ZBTB7C: variants seen among roughly 807,000 people sequenced by gnomAD.
ZBTB7C encodes zinc finger and BTB domain containing 7C, also known as zinc finger and BTB domain-containing protein 7C.
Under a neutral mutation model 25.7 loss-of-function variants are expected in ZBTB7C, and 8 were observed. That is an observed-to-expected ratio of 0.31 (90% confidence interval 0.18 to 0.56). The LOEUF (loss-of-function observed/expected upper bound fraction) is 0.56. ZBTB7C is among the 20% of genes least tolerant of loss of function. ZBTB7C has a pLI of 0.91. For synonymous variants in ZBTB7C, 394 were observed against 369.0 expected (o/e 1.07, Z -0.78); for missense variants, 824 against 855.2 (o/e 0.96, Z 0.46).
chr18:48,053,414 C>A (rs1240096619), intron 3 of ZBTB7C, among the ~76,000 whole-genome samples: 1 of 152,236 alleles, frequency 6.6e-6, no homozygotes, highest in Non-Finnish European at 1.5e-5. Flanking sequence ...TTCTGAGATT[C>A]CTTCACCTTT....
chr18:48,275,263 A>C (rs2044610835), intron 2 of ZBTB7C, among the ~76,000 whole-genome samples: 2 of 152,134 alleles, frequency 1.3e-5, no homozygotes, highest in South Asian at 4.1e-4. Context: ...TCCTCTACTT[A>C]TGGTTTACTA....
intron 3 of ZBTB7C, among the ~76,000 whole-genome samples, chr18:48,170,799 C>T (rs2041448233): frequency 6.6e-6 from 1 of 152,162 alleles, no homozygotes; most frequent in South Asian, 2.1e-4. Context: ...CACTCCTCTG[C>T]ACCTGTCCCC....
intron 2 of ZBTB7C, among the ~76,000 whole-genome samples, chr18:48,276,379 C>T (rs2144605588): frequency 6.7e-6 from 1 of 150,128 alleles, no homozygotes; most frequent in South Asian, 2.1e-4. Flanking sequence ...ATACATATGC[C>T]ATGCTGGTGC....
At chr18:48,173,760 C>T (rs1011058703) in intron 3 of ZBTB7C, among the ~76,000 whole-genome samples, 13 of 152,218 alleles carry the variant, frequency 8.5e-5, no homozygotes, top group Non-Finnish European at 1.8e-4. Context: ...AGACTCAATG[C>T]CCAACCCAAA....
At chr18:48,166,897 C>A (rs114462952) in intron 3 of ZBTB7C, among the ~76,000 whole-genome samples, 2,232 of 152,110 alleles carry the variant, frequency 0.015, 58 homozygotes, top group African/African-American at 0.051. Flanking sequence ...TCCTTACTGG[C>A]GGGGGGGAAG....
intron 2 of ZBTB7C, among the ~76,000 whole-genome samples, chr18:48,237,455 CA>C (rs2043410389): frequency 1.3e-5 from 2 of 151,928 alleles, no homozygotes; most frequent in Non-Finnish European, 2.9e-5. Flanking sequence ...TACAAAAATC[CA>C]AAAGGCCAAT....
intron 1 of ZBTB7C, among the ~76,000 whole-genome samples, chr18:48,376,386 C>A (rs1176697429): frequency 6.6e-6 from 1 of 151,912 alleles, no homozygotes; most frequent in Non-Finnish European, 1.5e-5. Flanking sequence ...CTCTAAGAAG[C>A]AGATCGTTTG....
intron 2 of ZBTB7C, among the ~76,000 whole-genome samples, chr18:48,294,980 A>G (rs1225009603): frequency 6.6e-6 from 1 of 152,070 alleles, no homozygotes; most frequent in Non-Finnish European, 1.5e-5. Context: ...ACTGGAGAGA[A>G]TATTTCCCTG....
chr18:48,128,808 T>C (rs2144760492), intron 3 of ZBTB7C, among the ~76,000 whole-genome samples: 1 of 152,312 alleles, frequency 6.6e-6, no homozygotes, highest in East Asian at 1.9e-4. Context: ...TTCACCACTA[T>C]ATAATTCAGC....
At chr18:48,293,050 A>C (rs530938528) in intron 2 of ZBTB7C, among the ~76,000 whole-genome samples, 3 of 152,202 alleles carry the variant, frequency 2.0e-5, no homozygotes, top group Non-Finnish European at 2.9e-5. Context: ...GCATTGGCAC[A>C]ATGTCCGGCC....
intron 2 of ZBTB7C, among the ~76,000 whole-genome samples, chr18:48,274,794 G>A (rs1452631542): frequency 6.6e-6 from 1 of 152,236 alleles, no homozygotes; most frequent in African/African-American, 2.4e-5. Flanking sequence ...TTGGCAAGAA[G>A]GCAAAGGGCA....
intron 3 of ZBTB7C, among the ~76,000 whole-genome samples, chr18:48,156,374 G>A (rs1267068266): frequency 6.6e-6 from 1 of 152,176 alleles, no homozygotes; most frequent in Non-Finnish European, 1.5e-5. Flanking sequence ...AACCCACAAT[G>A]CGCCCCTTTT....
intron 3 of ZBTB7C, among the ~76,000 whole-genome samples, chr18:48,151,451 C>T (rs1212634417): frequency 6.6e-6 from 1 of 152,036 alleles, no homozygotes. Context: ...TTGCATTTTC[C>T]ACTTAGGCTG....
intron 4 of ZBTB7C, among the ~76,000 whole-genome samples, chr18:48,039,109 T>C (rs1486151984): frequency 6.6e-6 from 1 of 152,254 alleles, no homozygotes; most frequent in Non-Finnish European, 1.5e-5. Flanking sequence ...ACAGAGTCTA[T>C]GAAAGATGAA....
intron 3 of ZBTB7C, among the ~76,000 whole-genome samples, chr18:48,099,857 G>A (rs1420193712): frequency 6.6e-6 from 1 of 152,174 alleles, no homozygotes; most frequent in Non-Finnish European, 1.5e-5. Flanking sequence ...TCTCACTTAA[G>A]ACAAACCTAA....
intron 3 of ZBTB7C, among the ~76,000 whole-genome samples, chr18:48,107,961 C>T (rs569120199): frequency 3.9e-5 from 6 of 152,328 alleles, no homozygotes; most frequent in Admixed American, 3.9e-4. Context: ...ATTTTATGCC[C>T]AGCCAAATGA....
intron 3 of ZBTB7C, among the ~76,000 whole-genome samples, chr18:48,114,566 A>C (rs1224278070): frequency 6.6e-6 from 1 of 152,024 alleles, no homozygotes; most frequent in Non-Finnish European, 1.5e-5. Flanking sequence ...GCATCACTGC[A>C]CTCCAGCCTG....
At chr18:48,193,559 G>A (rs536328764) in intron 2 of ZBTB7C, among the ~76,000 whole-genome samples, 21 of 152,352 alleles carry the variant, frequency 1.4e-4, no homozygotes, top group African/African-American at 4.6e-4. Context: ...TCAGGTGGAA[G>A]GAACACGCCA....
At chr18:48,328,373 GT>G (rs1275996869) in intron 2 of ZBTB7C, among the ~76,000 whole-genome samples, 3 of 152,128 alleles carry the variant, frequency 2.0e-5, no homozygotes, top group Non-Finnish European at 4.4e-5. Flanking sequence ...GTGATGATCT[GT>G]GGTGATGAGG....
Sources: gnomAD v4.1 joint callset for allele counts (sites outside exome capture counted in the v4.1 genomes callset) on GRCh38, gnomAD v4.1.1 for gene constraint, MANE v1.5 for transcripts, NCBI Gene and HGNC (gene_info 2026-07-23, HGNC 2026-07-21) for gene names.